Variants in CNKSR3 observed in about 807,000 individuals in gnomAD.
CNKSR3 encodes the protein connector enhancer of kinase suppressor of ras 3.
In CNKSR3, 36 loss-of-function variants were observed where a neutral mutation model predicts 67.7. That is an observed-to-expected ratio of 0.53 (90% CI 0.41 to 0.70). CNKSR3 has a LOEUF of 0.70. Among genes scored for constraint, CNKSR3 ranks in the 30% least tolerant of loss-of-function variants. The pLI is 0.00. For missense variants in CNKSR3, 630 were observed against 695.2 expected (o/e 0.91, Z 1.05); for synonymous variants, 281 against 271.4 (o/e 1.04, Z -0.35).
chr6:154,417,724 G>C (rs1367844562), intron 9 of CNKSR3, among the ~76,000 whole-genome samples: 1 of 152,182 alleles, frequency 6.6e-6, no homozygotes, highest in African/African-American at 2.4e-5. Context: ...TTAAGACACA[G>C]ACATATATGG....
At chr6:154,485,789 C>T (rs907280541) in intron 1 of CNKSR3, among the ~76,000 whole-genome samples, 7 of 152,206 alleles carry the variant, frequency 4.6e-5, no homozygotes, top group Non-Finnish European at 8.8e-5. Context: ...GGGGTAATCA[C>T]CCTTCTGGTG....
intron 2 of CNKSR3, among the ~76,000 whole-genome samples, chr6:154,446,188 T>C (rs1785702702): frequency 6.6e-6 from 1 of 152,158 alleles, no homozygotes; most frequent in African/African-American, 2.4e-5. Context: ...CGGGATCCTT[T>C]CCTGATCTGG....
At chr6:154,481,077 T>C (rs1786557116) in intron 1 of CNKSR3, among the ~76,000 whole-genome samples, 1 of 152,182 alleles carries the variant, frequency 6.6e-6, no homozygotes, top group Non-Finnish European at 1.5e-5. Flanking sequence ...ATAGCAGTCT[T>C]ATGCTTATTC....
At chr6:154,416,805 A>G (rs1221209849) in intron 9 of CNKSR3, among the ~76,000 whole-genome samples, 1 of 152,198 alleles carries the variant, frequency 6.6e-6, no homozygotes, top group African/African-American at 2.4e-5. Flanking sequence ...GCACATCGCA[A>G]GAACACCTGG....
intron 9 of CNKSR3, among the ~76,000 whole-genome samples, chr6:154,419,888 T>C (rs1316099934): frequency 6.6e-6 from 1 of 152,008 alleles, no homozygotes; most frequent in Admixed American, 6.6e-5. Flanking sequence ...GAGACCAGAC[T>C]GGCCAATATG....
At chr6:154,441,421 A>C in intron 3 of CNKSR3, 42 bp from the exon 4 acceptor site, 1 of 1,370,976 alleles carries the variant, frequency 7.3e-7, no homozygotes, top group Non-Finnish European at 1.0e-6. Flanking sequence ...GGTAGGGAGA[A>C]TCCACGGGGA....
In CNKSR3 at chr6:154,442,161, C is replaced by A. The variant is rs1785607748; in HGVS notation, c.346G>T (p.Ala116Ser). Residue 116 changes from alanine to serine, a missense_variant, in exon 3 of 13, where the codon GCC becomes TCC. By Grantham distance (99) the Ala-to-Ser change is moderately conservative. Coordinates refer to ENST00000607772, the MANE Select transcript of CNKSR3 (RefSeq NM_173515.4). ...PAYDGNTSRKAPNEFLTSVVE... is the reference protein window; with the variant it reads ...PAYDGNTSRKSPNEFLTSVVE... ...ACCGAGGTCAGGAACTCATTGGGGGCCTTGCGGGAGGTGTTGCCATCGTAA... is the reference window on the plus strand; with the variant it reads ...ACCGAGGTCAGGAACTCATTGGGGGACTTGCGGGAGGTGTTGCCATCGTAA... 6.2e-7 allele frequency: 1 copy of A among 1,613,992 alleles called. No homozygotes were observed. The highest frequency in any genetic ancestry group is 1.7e-5 in the Admixed American group (1 of 59,992).
chr6:154,445,850 A>C (rs1367366101), intron 2 of CNKSR3, among the ~76,000 whole-genome samples: 1 of 152,190 alleles, frequency 6.6e-6, no homozygotes, highest in Non-Finnish European at 1.5e-5. Flanking sequence ...GAGGAGAAGA[A>C]GAAAGGAAAG....
chr6:154,474,962 C>A (rs537608066), intron 1 of CNKSR3, among the ~76,000 whole-genome samples: 1 of 152,122 alleles, frequency 6.6e-6, no homozygotes, highest in East Asian at 1.9e-4. Context: ...CAGGGCCCTG[C>A]GGAAGAGCTG....
At chr6:154,416,440 C>T (rs533067515) in intron 9 of CNKSR3, among the ~76,000 whole-genome samples, 4 of 152,304 alleles carry the variant, frequency 2.6e-5, no homozygotes, top group South Asian at 4.1e-4. Context: ...ATGTCAATTT[C>T]GGACCATATC....
rs187057205 is a variant in CNKSR3, at chr6:154,431,699, C to A, written c.550-1108G>T. Reference sequence around the variant, plus strand: ...CCATGAACCCCTGGCAAACATAGATCTTTTTACTGTCTCTGTGGTTTTGAT... The same window carrying A: ...CCATGAACCCCTGGCAAACATAGATATTTTTACTGTCTCTGTGGTTTTGAT... On this transcript the variant is annotated intron_variant, in intron 5 of 12. Coordinates refer to ENST00000607772, the MANE Select transcript of CNKSR3 (RefSeq NM_173515.4). Among the ~76,000 whole-genome samples, 265 of 152,156 alleles carry A rather than the reference C, an allele frequency of 1.7e-3. 1 individual carries two copies. The highest frequency in any genetic ancestry group is 6.0e-3 in the African/African-American group (249 of 41,514).
rs1425486985 is a variant in CNKSR3, at chr6:154,403,593, GT to G, written c.*2760del. The G allele has an allele frequency of 6.6e-6, 1 of 151,376 alleles. No homozygotes were observed. The highest frequency in any genetic ancestry group is 1.5e-5 in the Non-Finnish European group (1 of 67,922). 9.4% of individuals were successfully genotyped at this position (151,376 alleles called of 1,614,324 possible). ...TTATTTATGTATGTCCATAGTAGAG[GT>G]TTACAAAGGTTTTTTTTTTTTAGCA... On this transcript the variant is annotated 3_prime_UTR_variant, in exon 13 of 13. Coordinates refer to ENST00000607772, the MANE Select transcript of CNKSR3 (RefSeq NM_173515.4).
intron 1 of CNKSR3, among the ~76,000 whole-genome samples, chr6:154,456,887 G>A (rs1179938852): frequency 1.3e-5 from 2 of 151,872 alleles, no homozygotes; most frequent in African/African-American, 4.8e-5. Context: ...ACTGGAAATC[G>A]ACCTCCATTA....
chr6:154,471,148 G>C (rs572742946), intron 1 of CNKSR3, among the ~76,000 whole-genome samples: 29 of 152,228 alleles, frequency 1.9e-4, no homozygotes, highest in African/African-American at 6.7e-4. Flanking sequence ...CTACCCTCAT[G>C]ATTTTACCAA....
intron 7 of CNKSR3, among the ~76,000 whole-genome samples, chr6:154,423,421 G>A (rs1785188636): frequency 6.6e-6 from 1 of 152,122 alleles, no homozygotes; most frequent in African/African-American, 2.4e-5. Flanking sequence ...CTGCCACCAT[G>A]CCCAGCTAAT....
intron 1 of CNKSR3, among the ~76,000 whole-genome samples, chr6:154,500,842 A>G (rs1268596091): frequency 2.0e-5 from 3 of 152,212 alleles, no homozygotes; most frequent in South Asian, 2.1e-4. Flanking sequence ...ATAAACAACC[A>G]TATTTGCCCT....
At chr6:154,504,564 A>T (rs796293399) in intron 1 of CNKSR3, among the ~76,000 whole-genome samples, 5 of 152,344 alleles carry the variant, frequency 3.3e-5, no homozygotes, top group African/African-American at 1.2e-4. Context: ...TGGTACAAGT[A>T]ATCAAAGTGA....
intron 9 of CNKSR3, among the ~76,000 whole-genome samples, chr6:154,415,548 G>T (rs192549012): frequency 6.6e-6 from 1 of 152,218 alleles, no homozygotes; most frequent in Admixed American, 6.5e-5. Context: ...GCTGTTTATT[G>T]TTGAGCAAGT....
intron 4 of CNKSR3, among the ~76,000 whole-genome samples, chr6:154,436,125 A>G (rs1020818166): frequency 8.5e-5 from 13 of 152,282 alleles, no homozygotes; most frequent in African/African-American, 3.1e-4. Context: ...CCTGAGACAC[A>G]GTCAGCACTC....
Sources: gnomAD v4.1 joint callset for allele counts (sites outside exome capture counted in the v4.1 genomes callset) on GRCh38, gnomAD v4.1.1 for gene constraint, MANE v1.5 for transcripts, NCBI Gene and HGNC (gene_info 2026-07-23, HGNC 2026-07-21) for gene names.